The following GMDS variants were observed in gnomAD, a reference collection of about 807,000 sequenced individuals.
GMDS encodes the protein GDP-mannose 4,6-dehydratase, also known as GDP-mannose 4,6 dehydratase.
A neutral mutation model predicts 49.9 loss-of-function variants in GMDS; 20 were observed. The observed-to-expected ratio is 0.40, with a 90% CI of 0.28 to 0.58. The LOEUF (loss-of-function observed/expected upper bound fraction) is 0.58. Among genes scored for constraint, GMDS ranks in the 20% least tolerant of loss-of-function variants. The pLI is 0.42. For synonymous variants in GMDS, 177 were observed against 178.6 expected, an observed-to-expected ratio of 0.99 and a Z score of 0.07; for missense variants, 362 against 481.4, an observed-to-expected ratio of 0.75 and a Z score of 2.32.
At chr6:1,649,735 C>T (rs535136348) in intron 9 of GMDS, among the ~76,000 whole-genome samples, 3 of 152,344 alleles carry the variant, frequency 2.0e-5, no homozygotes, top group African/African-American at 7.2e-5. Context: ...TCCAAACTGT[C>T]TCTTCTTTAG....
chr6:2,170,637 A>T (rs202180459), intron 1 of GMDS, among the ~76,000 whole-genome samples: 6 of 130,866 alleles, frequency 4.6e-5, no homozygotes, highest in Admixed American at 8.4e-5. Context: ...AAAAAAAAAT[A>T]AAAAAAAAAA....
At chr6:1,715,218 T>C (rs1356261981) in intron 9 of GMDS, among the ~76,000 whole-genome samples, 4 of 152,156 alleles carry the variant, frequency 2.6e-5, no homozygotes, top group African/African-American at 9.7e-5. Flanking sequence ...AAGTTGTGAG[T>C]GAACTTAACA....
rs34505029 is a variant in GMDS at position 2,117,635 on chromosome 6, GA to G, written c.148-80del. 1.9e-5 allele frequency: 15 copies of G among 774,080 alleles called. No homozygotes were observed. In the South Asian group the frequency reaches 2.0e-4, roughly 11 times the overall value. The allele number at this position is 774,080 out of a possible 1,614,324, so 48.0% of individuals were successfully genotyped here. A position where few individuals can be genotyped will look rare whatever the true frequency, so the allele number is the denominator to read the frequency against. On this transcript the variant is annotated intron_variant, in intron 2 of 10. Coordinates refer to ENST00000380815, the MANE Select transcript of GMDS (RefSeq NM_001500.4). ...TTCTTTAGCTAATGTTTAGCTTTAT[GA>G]AAAAAATGATTTGTAAGCATTATTT... is the stretch of plus-strand genomic sequence containing the variant.
chr6:1,972,587 T>C (rs189215766), intron 4 of GMDS, among the ~76,000 whole-genome samples: 51 of 152,364 alleles, frequency 3.3e-4, no homozygotes, highest in Non-Finnish European at 1.2e-4. Flanking sequence ...CACACAGATT[T>C]GGATTAAAAA....
intron 4 of GMDS, among the ~76,000 whole-genome samples, chr6:2,027,575 G>C (rs1768677222): frequency 6.6e-6 from 1 of 152,138 alleles, no homozygotes; most frequent in Non-Finnish European, 1.5e-5. Context: ...TATTTGGCAG[G>C]AGTGAGAAAC....
chr6:1,794,798 G>T (rs1182677601), intron 7 of GMDS, among the ~76,000 whole-genome samples: 1 of 152,116 alleles, frequency 6.6e-6, no homozygotes, highest in African/African-American at 2.4e-5. Flanking sequence ...CTCTGAAAAG[G>T]AGACAGATGG....
At chr6:2,194,665 G>A (rs1779206415) in intron 1 of GMDS, among the ~76,000 whole-genome samples, 1 of 152,092 alleles carries the variant, frequency 6.6e-6, no homozygotes, top group South Asian at 2.1e-4. Flanking sequence ...CACACTTTTT[G>A]GTTATTTTAT....
In GMDS at chr6:2,124,737, G is replaced by C. The variant is rs1481074648; in HGVS notation, c.103-6C>G. 1 of 1,612,034 alleles carries C rather than the reference G, an allele frequency of 6.2e-7. No homozygotes were observed. Among genetic ancestry groups the C allele is most frequent in the Non-Finnish European group, 8.5e-7 (1 of 1,178,530 alleles). ...TCAGCCAGGTAGGAACCATCCTGGG[G>C]AGAAAGAAAAAATTGCAAAACGTCA... On this transcript the variant is annotated splice_polypyrimidine_tract_variant and splice_region_variant and intron_variant, in intron 1 of 10. Transcript: ENST00000380815.
chr6:1,749,514 A>C (rs972555247), intron 7 of GMDS, among the ~76,000 whole-genome samples: 5 of 151,876 alleles, frequency 3.3e-5, no homozygotes, highest in Non-Finnish European at 5.9e-5. Context: ...AATCACTTGA[A>C]CCCTGGAGGC....
intron 1 of GMDS, among the ~76,000 whole-genome samples, chr6:2,154,797 C>G (rs1777018858): frequency 6.8e-6 from 1 of 147,748 alleles, no homozygotes; most frequent in African/African-American, 2.5e-5. Flanking sequence ...TTGGCCAGAC[C>G]CAACCCTGTG....
chr6:1,823,950 TG>T (rs1456900163), intron 7 of GMDS, among the ~76,000 whole-genome samples: 4 of 152,160 alleles, frequency 2.6e-5, no homozygotes, highest in African/African-American at 9.7e-5. Context: ...GCACCTTCAC[TG>T]GGGTATTCCC....
chr6:2,001,647 A>G (rs1163994919), intron 4 of GMDS, among the ~76,000 whole-genome samples: 1 of 152,182 alleles, frequency 6.6e-6, no homozygotes, highest in Admixed American at 6.6e-5. Flanking sequence ...TTATAATACA[A>G]GCAACAGTAA....
At chr6:2,221,931 A>G in intron 1 of GMDS, among the ~76,000 whole-genome samples, 1 of 152,032 alleles carries the variant, frequency 6.6e-6, no homozygotes, top group East Asian at 1.9e-4. Flanking sequence ...CCGCCAGGTC[A>G]GTGGGAAGAA....
chr6:1,828,869 T>TA (rs1230791782), intron 7 of GMDS, among the ~76,000 whole-genome samples: 5 of 152,158 alleles, frequency 3.3e-5, no homozygotes, highest in African/African-American at 9.7e-5. Context: ...CCCTGCACTG[T>TA]AAAAAAATTA....
At chr6:2,201,778 G>A (rs1332141817) in intron 1 of GMDS, among the ~76,000 whole-genome samples, 3 of 123,044 alleles carry the variant, frequency 2.4e-5, no homozygotes, top group Non-Finnish European at 3.4e-5. Flanking sequence ...CACCACATGG[G>A]CATCCGAGAT....
chr6:1,726,425 T>C lies in GMDS; in HGVS notation c.978A>G (p.Pro326=). Residue 326 remains proline, a synonymous_variant, in exon 9 of 11, where the codon CCA becomes CCG. Coordinates refer to ENST00000380815, the MANE Select transcript of GMDS (RefSeq NM_001500.4). ...GCCAGAGAGTCCTTACCACTTCAGT[T>C]GGCCGGTAGTACTTGAGATCCACAG... The part of the protein sequence containing the change: ...HVTVDLKYYR[P]TEVDFLQGDC... 1 of 1,611,750 alleles carries C rather than the reference T, an allele frequency of 6.2e-7. No individual in the cohort carries two copies. Among genetic ancestry groups the C allele is most frequent in the Non-Finnish European group, 8.5e-7 (1 of 1,177,760 alleles).
intron 4 of GMDS, among the ~76,000 whole-genome samples, chr6:2,051,405 C>T (rs1473488002): frequency 6.6e-6 from 1 of 152,140 alleles, no homozygotes; most frequent in South Asian, 2.1e-4. Flanking sequence ...GGTAAAAGCA[C>T]CATATAATTT....
In GMDS at chr6:1,841,619, C is replaced by T. The variant is rs115766371; in HGVS notation, c.771+88484G>A. On this transcript the variant is annotated intron_variant, in intron 7 of 10. Transcript: ENST00000380815. ...GCTATTAATATCAGAATGGGTAACA[C>T]AACAAATTAACAATATTTTGCACAT... is the stretch of plus-strand genomic sequence containing the variant. Among the ~76,000 whole-genome samples, 744 of 152,268 alleles carry T rather than the reference C, an allele frequency of 4.9e-3. 7 individuals carry two copies. Among genetic ancestry groups the T allele is most frequent in the African/African-American group, 0.017 (698 of 41,550 alleles).
intron 7 of GMDS, among the ~76,000 whole-genome samples, chr6:1,792,497 A>G (rs1769584764): frequency 1.3e-5 from 2 of 152,124 alleles, no homozygotes; most frequent in African/African-American, 2.4e-5. Context: ...CTTTGCTGTC[A>G]TCCTGAGAAT....
Sources: gnomAD v4.1 joint callset for allele counts (sites outside exome capture counted in the v4.1 genomes callset) on GRCh38, gnomAD v4.1.1 for gene constraint, MANE v1.5 for transcripts, NCBI Gene and HGNC (gene_info 2026-07-23, HGNC 2026-07-21) for gene names.